Variants in CHD7 observed in about 807,000 individuals in gnomAD.
CHD7 encodes ATP-dependent chromatin remodeler CHD7.
Under a neutral mutation model 307.3 loss-of-function variants are expected in CHD7, and 24 were observed. The ratio of observed to expected loss-of-function variants is 0.08; its 90% CI spans 0.06 to 0.11. CHD7 has a LOEUF of 0.11. Ranked by LOEUF, CHD7 falls within the 10% of genes least tolerant of loss-of-function variation. The pLI is 1.00. For missense variants in CHD7, 3,106 were observed against 3,727.1 expected, an observed-to-expected ratio of 0.83 and a Z score of 4.34; for synonymous variants, 1,363 against 1,349.9, an observed-to-expected ratio of 1.01 and a Z score of -0.21.
rs573529626 is a variant in CHD7 at position 60,867,564 on chromosome 8, C to G, written c.*1631C>G. On this transcript the variant is annotated 3_prime_UTR_variant, in exon 38 of 38. Transcript: ENST00000423902. ...AACCAACACAAAGCCATATTTCCAT[C>G]CAGTTAAAAAGCAGGGGAAGGGATG... The G allele has an allele frequency of 6.6e-6, 1 of 152,366 alleles. No individual in the cohort carries two copies. The highest frequency in any genetic ancestry group is 2.1e-4 in the South Asian group (1 of 4,826). 9.4% of individuals were successfully genotyped at this position (152,366 alleles called of 1,614,324 possible).
chr8:60,743,426 T>A (rs2150582068), intron 2 of CHD7, among the ~76,000 whole-genome samples: 1 of 152,344 alleles, frequency 6.6e-6, no homozygotes, highest in South Asian at 2.1e-4. Context: ...TTCTTTATTC[T>A]TTCTCTTTCT....
At chr8:60,795,259 C>CATT (rs943245506) in intron 4 of CHD7, 132 bp downstream of exon 4, 7 of 836,072 alleles carry the variant, frequency 8.4e-6, no homozygotes, top group Non-Finnish European at 1.1e-5. Context: ...TAGTCTGGAA[C>CATT]ATTATCTCCA....
In CHD7 at chr8:60,708,018, G is replaced by C. The variant is rs145679151; in HGVS notation, c.-175+28936G>C. 2.4e-3 allele frequency among the ~76,000 whole-genome samples: 372 copies of C among 152,292 alleles called. 4 individuals carry two copies. The highest frequency in any genetic ancestry group is 4.2e-3 in the Non-Finnish European group (286 of 68,030). On this transcript the variant is annotated intron_variant, in intron 1 of 37. Transcript: ENST00000423902. ...GGTTCCTGGAGGAATTAGCTTTTGT[G>C]CAGGATTTAAAGAATCTACTATAAC...
In CHD7 at chr8:60,743,005, C is replaced by T; in HGVS notation, c.1573C>T (p.His525Tyr). The change falls in exon 2 of 38, where the codon CAC (histidine) becomes TAC (tyrosine). Residue 525 changes from histidine to tyrosine, a missense_variant. This residue lies in a region of CHD7 where 998 missense variants were observed against 1,004.5 expected (regional missense o/e 0.99). Transcript: ENST00000423902. ...PPLQPHPGLH[H>Y]QSSPPHPHHQ... ...ACTGCAGCCTCACCCGGGCTTGCAC[C>T]ACCAGTCTTCACCTCCACACCCTCA... The T allele has an allele frequency of 6.2e-7, 1 of 1,613,900 alleles. No individual in the cohort carries two copies. The highest frequency in any genetic ancestry group is 8.5e-7 in the Non-Finnish European group (1 of 1,179,854).
chr8:60,759,827 A>G (rs1204631950), intron 2 of CHD7, among the ~76,000 whole-genome samples: 5 of 152,226 alleles, frequency 3.3e-5, no homozygotes, highest in African/African-American at 1.2e-4. Flanking sequence ...ACAGCTATGT[A>G]GGGTGAGTCT....
chr8:60,734,107 A>G (rs1360487029), intron 1 of CHD7, among the ~76,000 whole-genome samples: 1 of 152,230 alleles, frequency 6.6e-6, no homozygotes, highest in Admixed American at 6.5e-5. Context: ...TTTAAGTGAC[A>G]TATCTTTGTA....
In CHD7 at chr8:60,851,311, A is replaced by G. The variant is rs1345679614; in HGVS notation, c.5657A>G (p.His1886Arg). ...GATAAGGAAGAATCCATGGAAATAC[A>G]TGCCACAGGTAAGGTCCCAGAAAAG... ...SEDKEESMEI[H>R]ATGKHSESNA... The change falls in exon 28 of 38, where the codon CAT becomes CGT. Residue 1886 changes from histidine (H) to arginine (R), a missense_variant. Physicochemically the swap from His to Arg is conservative, Grantham distance 29. This residue lies in a region of CHD7 where 1,030 missense variants were observed against 1,165.4 expected (regional missense o/e 0.88). Transcript: ENST00000423902. 2.6e-6 allele frequency: 4 copies of G among 1,559,294 alleles called. No individual in the cohort carries two copies. Among genetic ancestry groups the G allele is most frequent in the South Asian group, 2.4e-5 (2 of 84,520 alleles).
intron 7 of CHD7, among the ~76,000 whole-genome samples, chr8:60,813,311 T>C (rs1812897426): frequency 6.6e-6 from 1 of 152,196 alleles, no homozygotes; most frequent in Non-Finnish European, 1.5e-5. Context: ...ATTGATTCTC[T>C]AGGGTTCTCC....
chr8:60,841,836 T>TAA lies in CHD7; in HGVS notation c.4645-11_4645-10insAA. On this transcript the variant is annotated splice_polypyrimidine_tract_variant and intron_variant, in intron 20 of 37. Transcript: ENST00000423902. ...GAGAAATGTCAAATGTATCTCCTCTTTTATTATTAGAACAACCTGGTTATT... is the reference window on the plus strand; with the variant it reads ...GAGAAATGTCAAATGTATCTCCTCTTAATTATTATTAGAACAACCTGGTTATT... The TAA allele has an allele frequency of 6.2e-7, 1 of 1,608,390 alleles. No individual in the cohort carries two copies. The highest frequency in any genetic ancestry group is 8.5e-7 in the Non-Finnish European group (1 of 1,176,720).
chr8:60,698,296 G>T (rs1172946825), intron 1 of CHD7, among the ~76,000 whole-genome samples: 3 of 152,208 alleles, frequency 2.0e-5, no homozygotes, highest in Non-Finnish European at 4.4e-5. Context: ...GATAATTTGA[G>T]AGGATTTTTG....
chr8:60,774,552 G>T (rs1001984306), intron 2 of CHD7, among the ~76,000 whole-genome samples: 1 of 152,232 alleles, frequency 6.6e-6, no homozygotes, highest in Non-Finnish European at 1.5e-5. Flanking sequence ...CTCTGTGCTT[G>T]CAGAGCTGAC....
intron 2 of CHD7, among the ~76,000 whole-genome samples, chr8:60,761,314 G>A (rs968700134): frequency 6.1e-4 from 86 of 140,324 alleles, no homozygotes; most frequent in African/African-American, 2.2e-3. Flanking sequence ...GACACAGGAA[G>A]GGGAACATCA....
intron 32 of CHD7, chr8:60,855,327 C>G (rs1805651771): frequency 6.6e-6 from 1 of 152,340 alleles, no homozygotes; most frequent in Non-Finnish European, 1.5e-5. Context: ...TTTCCCAGAT[C>G]AGTCAAAGGT....
At chr8:60,834,789 A>G (rs1386210774) in intron 15 of CHD7, among the ~76,000 whole-genome samples, 3 of 152,228 alleles carry the variant, frequency 2.0e-5, no homozygotes, top group Non-Finnish European at 4.4e-5. Flanking sequence ...TGACCATGTC[A>G]TAAGGTAATT....
In CHD7 at chr8:60,838,237, A is replaced by G. The variant is rs764834051; in HGVS notation, c.4515A>G (p.Lys1505=). 2 of 1,603,998 alleles carry G rather than the reference A, an allele frequency of 1.2e-6. No individual in the cohort carries two copies. The highest frequency in any genetic ancestry group is 2.3e-5 in the South Asian group (2 of 88,724). Residue 1505 remains lysine (K), a synonymous_variant, in exon 19 of 38, where the codon AAA becomes AAG. Transcript: ENST00000423902. ...CCATTACCATTGAGTCAGAAGGGAAAGGTTCCACATTTGCTAAGGTGTGAA... is the reference window on the plus strand; with the variant it reads ...CCATTACCATTGAGTCAGAAGGGAAGGGTTCCACATTTGCTAAGGTGTGAA... ...THTITIESEG[K]GSTFAKASFV...
chr8:60,736,684 A>G (rs749296312), intron 1 of CHD7, among the ~76,000 whole-genome samples: 4 of 152,202 alleles, frequency 2.6e-5, no homozygotes, highest in Admixed American at 6.5e-5. Flanking sequence ...TCCAATAGGC[A>G]AATGTCCTAT....
At chr8:60,821,354 C>T (rs1357628716) in intron 9 of CHD7, among the ~76,000 whole-genome samples, 1 of 152,110 alleles carries the variant, frequency 6.6e-6, no homozygotes, top group Non-Finnish European at 1.5e-5. Flanking sequence ...CTAATTTGTT[C>T]TGATAATGCC....
At chr8:60,800,237 T>A in intron 4 of CHD7, 151 bp from the exon 5 acceptor site, 1 of 571,044 alleles carries the variant, frequency 1.8e-6, no homozygotes. Flanking sequence ...TTTCACCATG[T>A]TAGCCAGGAT....
intron 1 of CHD7, among the ~76,000 whole-genome samples, chr8:60,717,433 A>G (rs765406594): frequency 3.3e-5 from 5 of 152,222 alleles, no homozygotes; most frequent in East Asian, 1.9e-4. Context: ...CTAGAGAGAA[A>G]GTAACTGTGT....
Sources: allele counts gnomAD v4.1 joint callset (sites outside exome capture counted in the v4.1 genomes callset), GRCh38; gene constraint gnomAD v4.1.1; regional missense constraint gnomAD v4.1.1; transcripts MANE v1.5; gene names NCBI Gene and HGNC (gene_info 2026-07-23, HGNC 2026-07-21).